The following PTK2 variants were observed in gnomAD, a reference collection of about 807,000 sequenced individuals.
The protein encoded by PTK2 is focal adhesion kinase 1.
PTK2 carries 45 observed loss-of-function variants against 150.1 expected under a neutral mutation model. That is an observed-to-expected ratio of 0.30 (90% CI 0.24 to 0.38). The LOEUF (loss-of-function observed/expected upper bound fraction) is 0.38, where lower values mean the gene tolerates loss of function less well. Ranked by LOEUF, PTK2 falls within the 10% of genes least tolerant of loss-of-function variation. PTK2 has a pLI of 1.00. For missense variants in PTK2, 919 were observed against 1,307.3 expected (o/e 0.70, Z 4.58); for synonymous variants, 432 against 449.2 (o/e 0.96, Z 0.48).
rs141755865 is a variant in PTK2 at position 140,789,714 on chromosome 8, T to C, written c.1125-188A>G. Among the ~76,000 whole-genome samples the C allele has an allele frequency of 3.1e-3, 469 of 152,316 alleles. 7 individuals carry two copies. The East Asian group carries it at 0.071, about 23-fold the overall frequency. Reference sequence around the variant, plus strand: ...ATGCTTTAAAGATCACAAATTAAAATACACAACTGAAGGAATGTTGAACTG... The same window carrying C: ...ATGCTTTAAAGATCACAAATTAAAACACACAACTGAAGGAATGTTGAACTG... On this transcript the variant is annotated intron_variant, in intron 13 of 31. Transcript: ENST00000522684.
At chr8:140,852,447 G>A (rs904314996) in intron 5 of PTK2, among the ~76,000 whole-genome samples, 1 of 152,028 alleles carries the variant, frequency 6.6e-6, no homozygotes, top group Non-Finnish European at 1.5e-5. Context: ...ACACACACTT[G>A]AATGTGTGTA....
At chr8:140,731,467 A>C (rs1163352085) in intron 22 of PTK2, among the ~76,000 whole-genome samples, 2 of 152,198 alleles carry the variant, frequency 1.3e-5, no homozygotes, top group African/African-American at 4.8e-5. Context: ...ATGAATAAGT[A>C]AACAGGATGT....
chr8:140,845,020 T>C (rs2154604172), intron 7 of PTK2, among the ~76,000 whole-genome samples: 1 of 152,198 alleles, frequency 6.6e-6, no homozygotes, highest in East Asian at 1.9e-4. Context: ...CAGCCTCCAG[T>C]CAGACTCTAC....
intron 2 of PTK2, among the ~76,000 whole-genome samples, chr8:140,917,208 T>C (rs1296252345): frequency 6.6e-6 from 1 of 152,078 alleles, no homozygotes; most frequent in Non-Finnish European, 1.5e-5. Context: ...CTGGCCAACA[T>C]GGTGAAACCC....
intron 1 of PTK2, among the ~76,000 whole-genome samples, chr8:140,988,334 T>C (rs2100194151): frequency 6.6e-6 from 1 of 152,084 alleles, no homozygotes; most frequent in African/African-American, 2.4e-5. Flanking sequence ...AAGAGACAAG[T>C]AGGAAGGGTT....
intron 3 of PTK2, among the ~76,000 whole-genome samples, chr8:140,886,490 T>C (rs1028381796): frequency 6.6e-6 from 1 of 152,096 alleles, no homozygotes; most frequent in Non-Finnish European, 1.5e-5. Context: ...TAAATCATGG[T>C]GGTAGATTCA....
At chr8:140,732,615 T>C (rs779055611) in intron 22 of PTK2, 1 of 526,654 alleles carries the variant, frequency 1.9e-6, no homozygotes, top group Non-Finnish European at 3.9e-6. Context: ...TAGTAGGGGA[T>C]GAGACATACT....
chr8:140,968,492 G>GA (rs922445075), intron 1 of PTK2, among the ~76,000 whole-genome samples: 2 of 152,096 alleles, frequency 1.3e-5, no homozygotes, highest in African/African-American at 4.8e-5. Context: ...AAACAGAAGA[G>GA]AAAAAACAGA....
chr8:140,827,440 T>C (rs940305614), intron 8 of PTK2, among the ~76,000 whole-genome samples: 2 of 151,676 alleles, frequency 1.3e-5, no homozygotes, highest in Non-Finnish European at 2.9e-5. Flanking sequence ...AAAAAGCACA[T>C]GGGCATCAGC....
chr8:140,828,620 G>A (rs1257200570), intron 8 of PTK2, among the ~76,000 whole-genome samples: 1 of 152,118 alleles, frequency 6.6e-6, no homozygotes, highest in African/African-American at 2.4e-5. Flanking sequence ...AGAACATTGG[G>A]TAGAGTACTC....
intron 14 of PTK2, among the ~76,000 whole-genome samples, chr8:140,767,814 T>G (rs2100073207): frequency 6.6e-6 from 1 of 152,172 alleles, no homozygotes; most frequent in Non-Finnish European, 1.5e-5. Flanking sequence ...ATTTTGCTTT[T>G]CTTTCCTGGT....
intron 7 of PTK2, among the ~76,000 whole-genome samples, chr8:140,839,939 A>G (rs1200941770): frequency 6.6e-6 from 1 of 152,248 alleles, no homozygotes; most frequent in East Asian, 1.9e-4. Context: ...GCAACCATAA[A>G]GAAATGTCAA....
exon 32 of PTK2, chr8:140,658,967 T>C (rs2075823317): frequency 4.4e-6 from 1 of 225,358 alleles, no homozygotes; most frequent in Non-Finnish European, 8.8e-6. Context: ...GATTAGCATA[T>C]TGCAACTGAA....
intron 14 of PTK2, among the ~76,000 whole-genome samples, chr8:140,772,738 G>A (rs546944878): frequency 2.0e-5 from 3 of 152,230 alleles, no homozygotes; most frequent in Admixed American, 2.0e-4. Flanking sequence ...AAAACCCATA[G>A]AGTGATAAAG....
intron 14 of PTK2, among the ~76,000 whole-genome samples, chr8:140,769,144 A>C (rs2100074128): frequency 6.6e-6 from 1 of 152,170 alleles, no homozygotes; most frequent in Non-Finnish European, 1.5e-5. Flanking sequence ...TAATTCCGTT[A>C]GTTTCTGTGA....
chr8:140,765,927 A>C (rs1312740194), intron 14 of PTK2, among the ~76,000 whole-genome samples: 3 of 152,204 alleles, frequency 2.0e-5, no homozygotes, highest in Non-Finnish European at 4.4e-5. Context: ...ATAGTTTAAC[A>C]CGCTCAACTT....
At chr8:140,755,609 C>A (rs895302748) in intron 16 of PTK2, among the ~76,000 whole-genome samples, 1 of 152,208 alleles carries the variant, frequency 6.6e-6, no homozygotes, top group South Asian at 2.1e-4. Flanking sequence ...CCATGTGGAA[C>A]AGCATCTTGA....
chr8:140,658,575 T>C (rs2075433937), exon 32 of PTK2: 1 of 198,252 alleles, frequency 5.0e-6, no homozygotes, highest in African/African-American at 2.3e-5. Flanking sequence ...TTTTGCTTCA[T>C]TCTCTCCTGG....
chr8:140,962,882 C>CA (rs1158439324), intron 1 of PTK2, among the ~76,000 whole-genome samples: 1 of 151,830 alleles, frequency 6.6e-6, no homozygotes, highest in African/African-American at 2.4e-5. Context: ...GTCCCCCCCC[C>CA]CAACCCAACC....
Sources: allele counts gnomAD v4.1 joint callset (sites outside exome capture counted in the v4.1 genomes callset), GRCh38; gene constraint gnomAD v4.1.1; transcripts MANE v1.5; gene names NCBI Gene and HGNC (gene_info 2026-07-23, HGNC 2026-07-21).